Variants in RBFOX1 observed in about 807,000 individuals in gnomAD.
RBFOX1 encodes RNA binding protein fox-1 homolog 1.
In RBFOX1, 8 loss-of-function variants were observed where a neutral mutation model predicts 57.7. That is an observed-to-expected ratio of 0.14 (90% CI 0.08 to 0.25). The LOEUF is 0.25. Among genes scored for constraint, RBFOX1 ranks in the 10% least tolerant of loss-of-function variants. The pLI is 1.00. For synonymous variants in RBFOX1, 326 were observed against 222.4 expected (o/e 1.47, Z -4.15); for missense variants, 611 against 548.5 (o/e 1.11, Z -1.14).
intron 1 of RBFOX1, among the ~76,000 whole-genome samples, chr16:5,418,456 AG>A (rs764628016): frequency 7.7e-4 from 118 of 152,286 alleles, no homozygotes; most frequent in Non-Finnish European, 1.5e-3. Flanking sequence ...GAATTACGCC[AG>A]GAAAGACCAA....
At chr16:7,353,028 C>G (rs1047348633) in intron 4 of RBFOX1, among the ~76,000 whole-genome samples, 1 of 152,084 alleles carries the variant, frequency 6.6e-6, no homozygotes, top group Non-Finnish European at 1.5e-5. Flanking sequence ...TACCACTTTT[C>G]CATATGGCTT....
chr16:5,698,469 T>C (rs4786758), intron 3 of RBFOX1, among the ~76,000 whole-genome samples: 85,749 of 151,966 alleles, frequency 0.56, 26,845 homozygotes, highest in Non-Finnish European at 0.72. Context: ...TTTAAGTTTT[T>C]CTAGAAAACT....
chr16:7,151,225 A>G (rs2076044581), intron 4 of RBFOX1, among the ~76,000 whole-genome samples: 1 of 152,196 alleles, frequency 6.6e-6, no homozygotes, highest in Admixed American at 6.5e-5. Flanking sequence ...TTTAAAAGTC[A>G]CTCATAGAAT....
At chr16:5,849,009 G>A (rs893113892) in intron 3 of RBFOX1, among the ~76,000 whole-genome samples, 2 of 151,910 alleles carry the variant, frequency 1.3e-5, no homozygotes, top group Non-Finnish European at 1.5e-5. Flanking sequence ...TGGGGTGAGG[G>A]CAGGACAGGA....
chr16:6,234,429 C>T (rs1337942246), intron 1 of RBFOX1, among the ~76,000 whole-genome samples: 1 of 152,132 alleles, frequency 6.6e-6, no homozygotes, highest in Non-Finnish European at 1.5e-5. Context: ...TTATTGGATC[C>T]TTATCATTTA....
chr16:7,620,714 T>C (rs2059180415), intron 10 of RBFOX1, among the ~76,000 whole-genome samples: 1 of 152,206 alleles, frequency 6.6e-6, no homozygotes, highest in Admixed American at 6.5e-5. Context: ...CTGAAGGATA[T>C]GTTTTTATCA....
At chr16:7,309,519 C>T (rs1055501430) in intron 4 of RBFOX1, among the ~76,000 whole-genome samples, 6 of 152,164 alleles carry the variant, frequency 3.9e-5, no homozygotes, top group Non-Finnish European at 5.9e-5. Context: ...TGCCTTTGCC[C>T]GGCTGGAGAA....
At chr16:6,304,876 C>CAAAAAA (rs58680911) in intron 1 of RBFOX1, among the ~76,000 whole-genome samples, 4,070 of 79,534 alleles carry the variant, frequency 0.051, 731 homozygotes, top group African/African-American at 0.23. Flanking sequence ...GACCCTGTCT[C>CAAAAAA]AAAAAAAAAA....
intron 3 of RBFOX1, among the ~76,000 whole-genome samples, chr16:5,637,481 G>A (rs570670860): frequency 6.6e-6 from 1 of 152,214 alleles, no homozygotes; most frequent in African/African-American, 2.4e-5. Flanking sequence ...TAGGGTTGTT[G>A]TGGGCTTAGC....
rs1309545201 is a variant in RBFOX1 at position 7,551,470 on chromosome 16, T to G, written c.271-28307T>G. The stretch of plus-strand genomic sequence containing the variant: ...GGGCGCACTTGCTGGGTGAAAGCCA[T>G]GAGACACTGGAGAGACAGTAGTGAT... On this transcript the variant is annotated intron_variant, in intron 5 of 15. Coordinates refer to ENST00000550418, the MANE Select transcript of RBFOX1 (RefSeq NM_018723.4). Among the ~76,000 whole-genome samples the G allele has an allele frequency of 2.0e-5, 3 of 152,242 alleles. No individual in the cohort carries two copies. The East Asian group carries it at 5.8e-4, about 29-fold the overall frequency.
At chr16:7,169,084 A>G (rs889449796) in intron 4 of RBFOX1, among the ~76,000 whole-genome samples, 2 of 152,230 alleles carry the variant, frequency 1.3e-5, no homozygotes, top group African/African-American at 2.4e-5. Context: ...GGAAGTAGGC[A>G]AATCATTCAG....
intron 1 of RBFOX1, among the ~76,000 whole-genome samples, chr16:6,052,556 G>A (rs897584085): frequency 6.6e-6 from 1 of 151,666 alleles, no homozygotes; most frequent in Non-Finnish European, 1.5e-5. Flanking sequence ...AGGCCGAGGC[G>A]GGCGGATCAC....
rs144917561 is a variant in RBFOX1 at position 7,111,820 on chromosome 16, A to C, written c.27+59722A>C. ...TGATTTTTTTTCCCCCAAAGGAGAG[A>C]AGTAAACTTTATAATTCCAGGGCTA... On this transcript the variant is annotated intron_variant, in intron 4 of 15. Transcript: ENST00000550418. Among the ~76,000 whole-genome samples the C allele has an allele frequency of 4.3e-3, 650 of 152,104 alleles. 4 individuals are homozygous for C. The highest frequency in any genetic ancestry group is 7.4e-3 in the Non-Finnish European group (501 of 68,006).
At chr16:6,723,965 A>C (rs12596055) in intron 3 of RBFOX1, 68,137 of 151,984 alleles carry the variant, frequency 0.45, 18,370 homozygotes, top group Non-Finnish European at 0.6. Flanking sequence ...CCCATTGCTG[A>C]GGGCAAGTAG....
chr16:5,887,786 C>T (rs145304777), intron 4 of RBFOX1, among the ~76,000 whole-genome samples: 22 of 152,228 alleles, frequency 1.4e-4, no homozygotes, highest in African/African-American at 2.6e-4. Flanking sequence ...ACCACGCAAC[C>T]GAATGGTTGT....
intron 5 of RBFOX1, among the ~76,000 whole-genome samples, chr16:7,568,940 G>A (rs1252491458): frequency 1.4e-5 from 2 of 146,780 alleles, no homozygotes; most frequent in Non-Finnish European, 3.0e-5. Flanking sequence ...ATGCAGCCCA[G>A]TAGGTCTCAG....
At chr16:7,122,090 G>A (rs1416468666) in intron 4 of RBFOX1, among the ~76,000 whole-genome samples, 1 of 152,024 alleles carries the variant, frequency 6.6e-6, no homozygotes, top group Non-Finnish European at 1.5e-5. Context: ...GTCCAAAGGA[G>A]TTAAAATAAG....
intron 2 of RBFOX1, among the ~76,000 whole-genome samples, chr16:5,560,694 C>T (rs146069838): frequency 1.1e-4 from 17 of 152,226 alleles, no homozygotes; most frequent in Middle Eastern, 3.4e-3. Flanking sequence ...GTCTGTGCTC[C>T]ACATCTTTTT....
At chr16:5,320,928 A>C (rs1009293746) in intron 1 of RBFOX1, among the ~76,000 whole-genome samples, 19 of 152,242 alleles carry the variant, frequency 1.2e-4, no homozygotes, top group African/African-American at 4.6e-4. Context: ...CCTCTGGCTG[A>C]CCCTGGCTGT....
Sources: allele counts gnomAD v4.1 joint callset (sites outside exome capture counted in the v4.1 genomes callset), GRCh38; gene constraint gnomAD v4.1.1; transcripts MANE v1.5; gene names NCBI Gene and HGNC (gene_info 2026-07-23, HGNC 2026-07-21).